KLHL22: variants seen among roughly 807,000 people sequenced by gnomAD.
The protein encoded by KLHL22 is kelch like family member 22.
KLHL22 carries 18 observed loss-of-function variants against 60.7 expected under a neutral mutation model. The observed-to-expected ratio is 0.30, with a 90% CI of 0.20 to 0.44. KLHL22 has a LOEUF of 0.44. Among genes scored for constraint, KLHL22 ranks in the 20% least tolerant of loss-of-function variants. KLHL22 has a pLI of 1.00. For missense variants in KLHL22, 596 were observed against 852.3 expected, an observed-to-expected ratio of 0.70 and a Z score of 3.74; for synonymous variants, 355 against 354.5, an observed-to-expected ratio of 1.00 and a Z score of -0.01.
intron 4 of KLHL22, among the ~76,000 whole-genome samples, chr22:20,459,003 A>C (rs978969990): frequency 6.6e-6 from 1 of 152,062 alleles, no homozygotes; most frequent in African/African-American, 2.4e-5. Context: ...CCAGGACCCA[A>C]GGAGGGCTCC....
intron 2 of KLHL22, among the ~76,000 whole-genome samples, chr22:20,486,609 A>T (rs532014251): frequency 6.6e-6 from 1 of 152,254 alleles, no homozygotes; most frequent in African/African-American, 2.4e-5. Context: ...ATAGTCCTTT[A>T]TCATTTTAAC....
rs542735095 is a variant in KLHL22 at position 20,458,116 on chromosome 22, C to T, written c.1113-116G>A. 5.0e-4 allele frequency: 536 copies of T among 1,064,048 alleles called. 7 individuals carry two copies. The South Asian group carries it at 7.5e-3, about 15-fold the overall frequency. The allele number at this position is 1,064,048 out of a possible 1,614,324, so 65.9% of individuals were successfully genotyped here. A position where few individuals can be genotyped will look rare whatever the true frequency, so the allele number is the denominator to read the frequency against. Reference sequence around the variant, plus strand: ...TTGCCTCAGCCCAGCCTGAACCCTCCCCAACTACCCCACATACCAGTGCAC... The same window carrying T: ...TTGCCTCAGCCCAGCCTGAACCCTCTCCAACTACCCCACATACCAGTGCAC... On this transcript the variant is annotated intron_variant, in intron 4 of 6. Coordinates refer to ENST00000328879, the MANE Select transcript of KLHL22 (RefSeq NM_032775.4).
intron 5 of KLHL22, among the ~76,000 whole-genome samples, chr22:20,448,872 T>G (rs909405365): frequency 6.6e-6 from 1 of 152,246 alleles, no homozygotes; most frequent in Non-Finnish European, 1.5e-5. Flanking sequence ...CACCAGTATT[T>G]CGTATTTTCA....
rs896971746 is a variant in KLHL22, at chr22:20,483,806, G to C, written c.227+5179C>G. The C allele has an allele frequency of 4.4e-5, 33 of 743,144 alleles. No homozygotes were observed. The African/African-American group carries it at 4.6e-4, about 10-fold the overall frequency. 46.0% of individuals were successfully genotyped at this position (743,144 alleles called of 1,614,324 possible). ...CCAGCTTCCGGTTCTCGGTCTCCAGGCTCCTCGCTCTGTCCAGGTAGGAGG... is the reference window on the plus strand; with the variant it reads ...CCAGCTTCCGGTTCTCGGTCTCCAGCCTCCTCGCTCTGTCCAGGTAGGAGG... On this transcript the variant is annotated intron_variant, in intron 2 of 6. Coordinates refer to ENST00000328879, the MANE Select transcript of KLHL22 (RefSeq NM_032775.4).
chr22:20,478,508 CTTTTTTTTTTT>C (rs1196419660), intron 2 of KLHL22, among the ~76,000 whole-genome samples: 1 of 67,684 alleles, frequency 1.5e-5, no homozygotes, highest in South Asian at 6.6e-4. Flanking sequence ...AAACTTAATT[CTTTTTTTTTTT>C]TTTTTTTTTT....
Position 20,446,467 on chromosome 22 carries a change from G to C in KLHL22, c.1515C>G (p.Ala505=), listed in dbSNP as rs747345343. ...LYVIGGSNND[A]GYRRDVHQVA... The stretch of plus-strand genomic sequence containing the variant: ...CCTGGTGCACGTCCCTCCTGTATCC[G>C]GCATCGTTGTTGCTGCCCCCGATCA... Residue 505 remains alanine, a synonymous_variant, in exon 6 of 7, where the codon GCC becomes GCG. Transcript: ENST00000328879. The C allele has an allele frequency of 3.7e-6, 6 of 1,610,376 alleles. No individual in the cohort carries two copies. The highest frequency in any genetic ancestry group is 5.1e-6 in the Non-Finnish European group (6 of 1,178,994).
chr22:20,485,527 AGGC>A (rs748467389), intron 2 of KLHL22, among the ~76,000 whole-genome samples: 7 of 152,172 alleles, frequency 4.6e-5, no homozygotes, highest in Non-Finnish European at 1.0e-4. Flanking sequence ...CCAGAGGAGG[AGGC>A]ATCTCAGGTG....
chr22:20,451,304 T>G, intron 5 of KLHL22: 2 of 1,607,670 alleles, frequency 1.2e-6, no homozygotes, highest in Non-Finnish European at 1.7e-6. Context: ...CACACCAGTA[T>G]GGAGCGGTAT....
chr22:20,454,945 G>T (rs113449132), intron 5 of KLHL22, among the ~76,000 whole-genome samples: 1 of 152,236 alleles, frequency 6.6e-6, no homozygotes, highest in Non-Finnish European at 1.5e-5. Flanking sequence ...GCAGTGGTGT[G>T]ATCTCAGCTC....
intron 2 of KLHL22, among the ~76,000 whole-genome samples, chr22:20,487,704 G>C (rs1287720644): frequency 6.6e-6 from 1 of 152,166 alleles, no homozygotes; most frequent in Admixed American, 6.5e-5. Context: ...TTACCCAAGG[G>C]GGGCTGTGGA....
chr22:20,489,889 G>T, intron 1 of KLHL22: 3 of 433,214 alleles, frequency 6.9e-6, no homozygotes, highest in South Asian at 5.1e-5. Context: ...AACTGTGATT[G>T]AACCTGATGC....
intron 5 of KLHL22, among the ~76,000 whole-genome samples, chr22:20,449,799 G>A (rs2052944893): frequency 6.6e-6 from 1 of 152,052 alleles, no homozygotes; most frequent in Non-Finnish European, 1.5e-5. Flanking sequence ...TAATTTTGAT[G>A]AAGTCCAGCT....
intron 6 of KLHL22, among the ~76,000 whole-genome samples, chr22:20,445,306 C>A (rs1466853454): frequency 6.6e-6 from 1 of 150,988 alleles, no homozygotes; most frequent in Non-Finnish European, 1.5e-5. Context: ...TCCCGGGTTC[C>A]AGCGATTCTC....
rs766137708 is a variant in KLHL22 at position 20,489,073 on chromosome 22, C to T, written c.139G>A (p.Gly47Arg). Residue 47 changes from glycine (G) to arginine (R), a missense_variant, in exon 2 of 7, where the codon GGA becomes AGA. Transcript: ENST00000328879. The stretch of plus-strand genomic sequence containing the variant: ...ACCAGCACAACATCGAAGAGGATTC[C>T]GCTGTCCCGGAGAGCCAGCAGCCCT... ...LRGLLALRDSGILFDVVLVVE... is the reference protein window; with the variant it reads ...LRGLLALRDSRILFDVVLVVE... The T allele has an allele frequency of 2.7e-5, 43 of 1,613,958 alleles. No homozygotes were observed. In the Admixed American group the frequency reaches 4.3e-4, roughly 16 times the overall value.
Position 20,442,412 on chromosome 22 carries a change from T to A in KLHL22, c.1566A>T (p.Gly522=). The change falls in exon 7 of 7, where the codon GGA becomes GGT. Residue 522 remains glycine (G), a synonymous_variant. Transcript: ENST00000328879. ...GGAGTGGGCAGACAGATGACCACTG[T>A]CCAGACGTGCAGCTGTAGCAGGCCA... The part of the protein sequence containing the change: ...HQVACYSCTS[G]QWSSVCPLPA... 1.9e-6 allele frequency: 3 copies of A among 1,604,888 alleles called. No homozygotes were observed. Among genetic ancestry groups the A allele is most frequent in the Non-Finnish European group, 2.6e-6 (3 of 1,174,002 alleles).
Position 20,465,119 on chromosome 22 carries a change from G to C in KLHL22, c.851C>G (p.Pro284Arg). The C allele has an allele frequency of 6.2e-7, 1 of 1,613,970 alleles. No homozygotes were observed. The highest frequency in any genetic ancestry group is 1.1e-5 in the South Asian group (1 of 91,080). The stretch of plus-strand genomic sequence containing the variant: ...CTCCGTTTGCGGGCTCTGCAGGCTG[G>C]GCTGTAGGCTCTCGTTCCGGTGGTA... The part of the protein sequence containing the change: ...LMYHRNESLQ[P>R]SLQSPQTELR... The change falls in exon 4 of 7, where the codon CCC (proline) becomes CGC (arginine). Residue 284 changes from proline (P) to arginine (R), a missense_variant. Physicochemically the swap from Pro to Arg is moderately radical, Grantham distance 103 (BLOSUM62 -2). Coordinates refer to ENST00000328879, the MANE Select transcript of KLHL22 (RefSeq NM_032775.4). The surrounding 1 kb of genome is among the most constrained non-coding windows in gnomAD (Gnocchi z 4.9).
chr22:20,462,461 C>T (rs1459349485), intron 4 of KLHL22, among the ~76,000 whole-genome samples: 2 of 151,818 alleles, frequency 1.3e-5, no homozygotes, highest in East Asian at 1.9e-4. Context: ...CTCAAGCGAT[C>T]CTCCTGCCTC....
Position 20,454,540 on chromosome 22 carries a change from G to C in KLHL22, c.1305+3268C>G, listed in dbSNP as rs370796526. On this transcript the variant is annotated intron_variant, in intron 5 of 6. Transcript: ENST00000328879. The stretch of plus-strand genomic sequence containing the variant: ...TTCTTTGTAAAGCTATCACACTGAG[G>C]GAGGAAAGCTTAAGTTTCAGTTACA... Among the ~76,000 whole-genome samples, 7 of 152,212 alleles carry C rather than the reference G, an allele frequency of 4.6e-5. No homozygotes were observed. The East Asian group carries it at 1.4e-3, about 29-fold the overall frequency.
intron 1 of KLHL22, chr22:20,491,231 A>T (rs565328487): frequency 1.9e-3 from 294 of 152,356 alleles, no homozygotes; most frequent in African/African-American, 6.8e-3. Context: ...CATGTGTTCA[A>T]CTATCCAGAA....
Sources: allele counts gnomAD v4.1 joint callset (sites outside exome capture counted in the v4.1 genomes callset), GRCh38; gene constraint gnomAD v4.1.1; non-coding constraint Gnocchi (gnomAD v3.1); transcripts MANE v1.5; gene names NCBI Gene and HGNC (gene_info 2026-07-23, HGNC 2026-07-21).